The following CUL1 variants were observed in gnomAD, a reference collection of about 807,000 sequenced individuals.
CUL1 encodes cullin 1.
Under a neutral mutation model 118.0 loss-of-function variants are expected in CUL1, and 24 were observed. The observed-to-expected ratio is 0.20, with a 90% CI of 0.15 to 0.29. The LOEUF (loss-of-function observed/expected upper bound fraction) is 0.29. Ranked by LOEUF, CUL1 falls within the 10% of genes least tolerant of loss-of-function variation. The pLI, the probability that CUL1 is intolerant of heterozygous loss-of-function variation, is 1.00. For missense variants in CUL1, 361 were observed against 933.8 expected (o/e 0.39, Z 7.99); for synonymous variants, 332 against 340.4 (o/e 0.98, Z 0.27).
intron 8 of CUL1, among the ~76,000 whole-genome samples, chr7:148,767,262 A>G (rs1258550944): frequency 6.6e-6 from 1 of 152,110 alleles, no homozygotes; most frequent in Non-Finnish European, 1.5e-5. Flanking sequence ...AGTGCCTATT[A>G]TGTGTCAGGC....
chr7:148,795,416 G>A (rs1801153541), intron 17 of CUL1, among the ~76,000 whole-genome samples: 1 of 152,068 alleles, frequency 6.6e-6, no homozygotes, highest in Admixed American at 6.5e-5. Context: ...ACACAGGCAT[G>A]AGCCACCATG....
Position 148,789,588 on chromosome 7 carries a change from T to C in CUL1, c.1598-162T>C, listed in dbSNP as rs534175020. Among the ~76,000 whole-genome samples the C allele has an allele frequency of 2.0e-5, 3 of 152,360 alleles. No homozygotes were observed. In the South Asian group the frequency reaches 6.2e-4, roughly 32 times the overall value. ...GCACTTTTTGCTAATTTTAATTGAA[T>C]AAAATGTTCAATTCTTAATTTTATA... On this transcript the variant is annotated intron_variant, in intron 14 of 21. Coordinates refer to ENST00000325222, the MANE Select transcript of CUL1 (RefSeq NM_003592.3).
rs182138460 is a variant in CUL1 at position 148,794,644 on chromosome 7, T to C, written c.1899+1826T>C. On this transcript the variant is annotated intron_variant, in intron 17 of 21. Coordinates refer to ENST00000325222, the MANE Select transcript of CUL1 (RefSeq NM_003592.3). ...ATAAGGATTGCACTGAATCTATAGA[T>C]TGCTTTGGGGAGTATTGCCATCTCA... Among the ~76,000 whole-genome samples, 10 of 152,336 alleles carry C rather than the reference T, an allele frequency of 6.6e-5. No homozygotes were observed. The East Asian group carries it at 1.9e-3, about 29-fold the overall frequency.
intron 7 of CUL1, among the ~76,000 whole-genome samples, chr7:148,764,084 G>A (rs1465164717): frequency 6.6e-6 from 1 of 152,080 alleles, no homozygotes; most frequent in Non-Finnish European, 1.5e-5. Context: ...ACTACTGTAG[G>A]TTTCTAATGT....
chr7:148,759,403 A>G (rs1799767558), intron 5 of CUL1, 49 bp downstream of exon 5: 1 of 1,590,378 alleles, frequency 6.3e-7, no homozygotes, highest in Non-Finnish European at 8.6e-7. Context: ...ATCCCTTCGC[A>G]GTTTCGTTGC....
At chr7:148,779,085 C>A (rs1800522513) in intron 9 of CUL1, among the ~76,000 whole-genome samples, 1 of 152,132 alleles carries the variant, frequency 6.6e-6, no homozygotes, top group Non-Finnish European at 1.5e-5. Flanking sequence ...ATTCGGTTTA[C>A]CTTTTTAAGA....
At chr7:148,734,186 C>T (rs867638347) in intron 2 of CUL1, among the ~76,000 whole-genome samples, 2 of 152,168 alleles carry the variant, frequency 1.3e-5, no homozygotes, top group Admixed American at 1.3e-4. Flanking sequence ...GTCTGTTAAG[C>T]GCTTCCAACT....
At chr7:148,767,821 G>T in intron 9 of CUL1, 72 bp downstream of exon 9, 1 of 1,438,474 alleles carries the variant, frequency 7.0e-7, no homozygotes, top group Non-Finnish European at 9.6e-7. Flanking sequence ...TATGTTATGC[G>T]TCTCTACTTC....
At chr7:148,733,739 G>T (rs946404155) in intron 2 of CUL1, among the ~76,000 whole-genome samples, 1 of 152,166 alleles carries the variant, frequency 6.6e-6, no homozygotes, top group African/African-American at 2.4e-5. Flanking sequence ...AAGGAAGTGG[G>T]TTAGAAAGGA....
intron 2 of CUL1, among the ~76,000 whole-genome samples, chr7:148,734,437 T>C (rs1475113960): frequency 6.6e-6 from 1 of 152,150 alleles, no homozygotes; most frequent in East Asian, 1.9e-4. Flanking sequence ...AGATACAGGG[T>C]TTCACCATGT....
intron 2 of CUL1, among the ~76,000 whole-genome samples, chr7:148,732,107 A>G (rs1342473598): frequency 1.3e-5 from 2 of 152,114 alleles, no homozygotes; most frequent in African/African-American, 4.8e-5. Context: ...GTGAGAAGAT[A>G]TTATGCCCCC....
At chr7:148,779,031 C>T (rs192424604) in intron 9 of CUL1, among the ~76,000 whole-genome samples, 2 of 152,300 alleles carry the variant, frequency 1.3e-5, no homozygotes, top group Admixed American at 6.5e-5. Context: ...TAAATATATA[C>T]CAGCTCTCCA....
intron 1 of CUL1, among the ~76,000 whole-genome samples, chr7:148,725,428 C>T (rs1798546974): frequency 6.6e-6 from 1 of 152,204 alleles, no homozygotes; most frequent in Admixed American, 6.5e-5. Context: ...CCTTCTCAGC[C>T]CAGCGGGAGT....
chr7:148,792,644 C>T (rs1260596474), intron 16 of CUL1, 82 bp from the exon 17 acceptor site: 5 of 869,630 alleles, frequency 5.7e-6, no homozygotes, highest in African/African-American at 3.4e-5. Context: ...ATAAGTTCTT[C>T]AAACTTGGGC....
At chr7:148,699,936 GA>G (rs1797667979) in intron 1 of CUL1, among the ~76,000 whole-genome samples, 1 of 152,036 alleles carries the variant, frequency 6.6e-6, no homozygotes, top group Non-Finnish European at 1.5e-5. Context: ...AGATCTGAAA[GA>G]CCCCCGTTTC....
intron 7 of CUL1, 115 bp from the exon 8 acceptor site, chr7:148,766,446 C>T (rs924417419): frequency 5.7e-6 from 5 of 883,262 alleles, no homozygotes; most frequent in Non-Finnish European, 8.5e-6. Context: ...TTTATTAGAG[C>T]TGGCATGTGA....
At chr7:148,754,679 A>T (rs1799600339) in intron 3 of CUL1, among the ~76,000 whole-genome samples, 1 of 152,186 alleles carries the variant, frequency 6.6e-6, no homozygotes, top group Admixed American at 6.5e-5. Flanking sequence ...AAGGTTATTC[A>T]GTCTTGGAAA....
At chr7:148,726,747 G>C (rs187851985) in intron 1 of CUL1, among the ~76,000 whole-genome samples, 176 of 151,526 alleles carry the variant, frequency 1.2e-3, no homozygotes, top group Middle Eastern at 3.4e-3. Context: ...CTAATTGCCA[G>C]TGATTGTATT....
chr7:148,779,259 GA>G (rs1800527641), intron 9 of CUL1, among the ~76,000 whole-genome samples: 2 of 152,184 alleles, frequency 1.3e-5, no homozygotes, highest in South Asian at 4.1e-4. Context: ...ATTATTTGAT[GA>G]ATGCCACTTC....
Sources: gnomAD v4.1 joint callset for allele counts (sites outside exome capture counted in the v4.1 genomes callset) on GRCh38, gnomAD v4.1.1 for gene constraint, MANE v1.5 for transcripts, NCBI Gene and HGNC (gene_info 2026-07-23, HGNC 2026-07-21) for gene names.